DNAJB14: variants seen among roughly 807,000 people sequenced by gnomAD.
The protein encoded by DNAJB14 is dnaJ homolog subfamily B member 14.
DNAJB14 carries 22 observed loss-of-function variants against 48.4 expected under a neutral mutation model. The ratio of observed to expected loss-of-function variants is 0.45; its 90% CI spans 0.32 to 0.65. The LOEUF is 0.65. Among genes scored for constraint, DNAJB14 ranks in the 30% least tolerant of loss-of-function variants. The pLI is 0.03. For missense variants in DNAJB14, 319 were observed against 458.8 expected, an observed-to-expected ratio of 0.70 and a Z score of 2.78; for synonymous variants, 142 against 158.7, an observed-to-expected ratio of 0.89 and a Z score of 0.79.
intron 3 of DNAJB14, among the ~76,000 whole-genome samples, chr4:99,918,484 G>A (rs1725935393): frequency 6.6e-6 from 1 of 152,144 alleles, no homozygotes; most frequent in Admixed American, 6.6e-5. Flanking sequence ...CGTAATTTGG[G>A]TATTATCTTA....
intron 7 of DNAJB14, among the ~76,000 whole-genome samples, 163 bp downstream of exon 7, chr4:99,903,563 G>A (rs1036878724): frequency 6.6e-6 from 1 of 151,986 alleles, no homozygotes; most frequent in Non-Finnish European, 1.5e-5. Flanking sequence ...TGTCAATTCC[G>A]ATGTTAGGCC....
intron 7 of DNAJB14, among the ~76,000 whole-genome samples, chr4:99,901,615 T>C (rs1725297776): frequency 6.6e-6 from 1 of 151,956 alleles, no homozygotes. Context: ...AAAAAATACA[T>C]ATAATAATAT....
intron 5 of DNAJB14, chr4:99,905,932 A>G: frequency 7.4e-7 from 1 of 1,344,996 alleles, no homozygotes; most frequent in East Asian, 2.9e-5. Flanking sequence ...ATTTCATTTT[A>G]TAGATGAGGA....
At chr4:99,902,524 C>G (rs946434586) in intron 7 of DNAJB14, among the ~76,000 whole-genome samples, 2 of 152,124 alleles carry the variant, frequency 1.3e-5, no homozygotes, top group South Asian at 4.1e-4. Flanking sequence ...GGTCACATCT[C>G]TAACTGCCAC....
At chr4:99,923,282 C>T in intron 2 of DNAJB14, 97 bp from the exon 3 acceptor site, 1 of 1,097,244 alleles carries the variant, frequency 9.1e-7, no homozygotes, top group Non-Finnish European at 1.3e-6. Context: ...AAAGAACTAT[C>T]TGTGGACTCT....
chr4:99,922,782 C>T (rs1726107281), intron 3 of DNAJB14: 2 of 296,990 alleles, frequency 6.7e-6, no homozygotes, highest in Admixed American at 4.8e-5. Flanking sequence ...TCCTGGTAAA[C>T]AAGAAAGCAT....
chr4:99,935,940 C>T (rs1314052686), intron 1 of DNAJB14, among the ~76,000 whole-genome samples: 1 of 152,130 alleles, frequency 6.6e-6, no homozygotes, highest in Non-Finnish European at 1.5e-5. Context: ...TGGTGGCATG[C>T]ACCTGTAGTC....
chr4:99,896,416 G>T lies in DNAJB14; in HGVS notation c.*4612C>A, dbSNP rs1244551278. On this transcript the variant is annotated 3_prime_UTR_variant, in exon 8 of 8. Transcript: ENST00000442697. ...ATAACATTAAATATTTTACAAATCA[G>T]ACATTTCATTTTGAAATCTAATTTT... 1.3e-5 allele frequency: 2 copies of T among 152,194 alleles called. No individual in the cohort carries two copies. The highest frequency in any genetic ancestry group is 1.9e-4 in the East Asian group (1 of 5,188). The allele number at this position is 152,194 out of a possible 1,614,324, so 9.4% of individuals were successfully genotyped here. A position where few individuals can be genotyped will look rare whatever the true frequency, so the allele number is the denominator to read the frequency against.
chr4:99,910,681 A>G (rs779947129), intron 3 of DNAJB14, among the ~76,000 whole-genome samples: 1 of 152,008 alleles, frequency 6.6e-6, no homozygotes, highest in Non-Finnish European at 1.5e-5. Flanking sequence ...GTAAATTTCT[A>G]TTCATTTACT....
rs746452283 is a variant in DNAJB14, at chr4:99,901,089, G to C, written c.1079C>G (p.Ala360Gly). 1.4e-5 allele frequency: 22 copies of C among 1,610,666 alleles called. No homozygotes were observed. In the South Asian group the frequency reaches 2.4e-4, roughly 18 times the overall value. ...RDDRLRRKAD[A>G]LSMDNCKELE... ...TTCTTTACAGTTGTCCATGCTCAAG[G>C]CATCTGCCTTCCTTCGGAGTCGATC... Residue 360 changes from alanine (A) to glycine (G), a missense_variant, in exon 8 of 8, where the codon GCC becomes GGC. Physicochemically the swap from Ala to Gly is moderately conservative, Grantham distance 60. Transcript: ENST00000442697.
intron 6 of DNAJB14, among the ~76,000 whole-genome samples, chr4:99,904,822 TATCTC>T (rs1481328484): frequency 6.6e-6 from 1 of 152,096 alleles, no homozygotes; most frequent in African/African-American, 2.4e-5. Context: ...TTATTTACGT[TATCTC>T]AAATTGCCTA....
chr4:99,920,961 A>C (rs1726033302), intron 3 of DNAJB14, among the ~76,000 whole-genome samples: 1 of 152,216 alleles, frequency 6.6e-6, no homozygotes. Flanking sequence ...TTAGTATTCC[A>C]AAAACAGACT....
chr4:99,925,001 T>G (rs1367150964), intron 2 of DNAJB14: 4 of 588,496 alleles, frequency 6.8e-6, no homozygotes, highest in Non-Finnish European at 1.2e-5. Flanking sequence ...TGTTATGGAC[T>G]GCTGCCCTAG....
intron 2 of DNAJB14, chr4:99,927,678 C>T (rs554232834): frequency 2.7e-4 from 41 of 152,304 alleles, no homozygotes; most frequent in Non-Finnish European, 5.1e-4. Context: ...TACAAAGTTA[C>T]ACACTTTCTC....
intron 1 of DNAJB14, among the ~76,000 whole-genome samples, chr4:99,935,867 A>G (rs1408906307): frequency 6.6e-6 from 1 of 152,154 alleles, no homozygotes; most frequent in Non-Finnish European, 1.5e-5. Flanking sequence ...CAAGAATTTG[A>G]GACCAGCCTG....
At chr4:99,903,931 A>G (rs1307232953) in intron 6 of DNAJB14, 33 bp from the exon 7 acceptor site, 1 of 1,588,996 alleles carries the variant, frequency 6.3e-7, no homozygotes, top group Non-Finnish European at 8.6e-7. Flanking sequence ...TTTTAATTAA[A>G]ATTGGACATT....
chr4:99,903,049 A>G (rs761455950), intron 7 of DNAJB14, among the ~76,000 whole-genome samples: 1 of 152,162 alleles, frequency 6.6e-6, no homozygotes, highest in African/African-American at 2.4e-5. Flanking sequence ...AACTTTACTC[A>G]GTTTAATTCC....
chr4:99,940,312 G>A (rs1726843972), intron 1 of DNAJB14, among the ~76,000 whole-genome samples: 2 of 152,090 alleles, frequency 1.3e-5, no homozygotes, highest in South Asian at 4.1e-4. Flanking sequence ...AACATAACAG[G>A]CCAGGCGTGG....
intron 4 of DNAJB14, among the ~76,000 whole-genome samples, chr4:99,908,448 T>C (rs935418861): frequency 7.9e-5 from 12 of 152,154 alleles, no homozygotes; most frequent in African/African-American, 2.9e-4. Context: ...ATTTCCTGCT[T>C]ACATTCCCTT....
Sources: allele counts gnomAD v4.1 joint callset (sites outside exome capture counted in the v4.1 genomes callset), GRCh38; gene constraint gnomAD v4.1.1; transcripts MANE v1.5; gene names NCBI Gene and HGNC (gene_info 2026-07-23, HGNC 2026-07-21).